Variants in MYO10 observed in about 807,000 individuals in gnomAD.
The protein encoded by MYO10 is myosin X.
Under a neutral mutation model 257.3 loss-of-function variants are expected in MYO10, and 133 were observed. That is an observed-to-expected ratio of 0.52 (90% CI 0.45 to 0.60). The LOEUF (loss-of-function observed/expected upper bound fraction) is 0.60, where lower values mean the gene tolerates loss of function less well. Ranked by LOEUF, MYO10 falls within the 20% of genes least tolerant of loss-of-function variation. MYO10 has a pLI of 0.00. For missense variants in MYO10, 2,399 were observed against 2,635.7 expected, an observed-to-expected ratio of 0.91 and a Z score of 1.97; for synonymous variants, 1,104 against 1,028.6, an observed-to-expected ratio of 1.07 and a Z score of -1.40.
chr5:16,734,108 C>CAA (rs111997085), intron 19 of MYO10, among the ~76,000 whole-genome samples: 21,560 of 140,586 alleles, frequency 0.15, 1,943 homozygotes, highest in East Asian at 0.25. Context: ...AAAAGGGATG[C>CAA]AAAAAAAAAA....
intron 1 of MYO10, among the ~76,000 whole-genome samples, chr5:16,893,006 T>G (rs1257442139): frequency 6.6e-6 from 1 of 151,722 alleles, no homozygotes. Context: ...CCATCCTGGC[T>G]AACACGGTGA....
chr5:16,784,969 T>G (rs1438346323), intron 4 of MYO10, among the ~76,000 whole-genome samples: 2 of 149,648 alleles, frequency 1.3e-5, no homozygotes, highest in Non-Finnish European at 3.0e-5. Context: ...AATGTCGTAA[T>G]GTCAAGGGTA....
At chr5:16,876,783 G>A (rs1440962006) in intron 2 of MYO10, among the ~76,000 whole-genome samples, 3 of 152,150 alleles carry the variant, frequency 2.0e-5, no homozygotes, top group African/African-American at 4.8e-5. Context: ...TTGAACTAAG[G>A]ACCTCAAGTG....
At chr5:16,841,290 C>T (rs2560861) in intron 2 of MYO10, among the ~76,000 whole-genome samples, 44,457 of 151,922 alleles carry the variant, frequency 0.29, 6,645 homozygotes, top group African/African-American at 0.36. Flanking sequence ...TCATGGTGTG[C>T]TAGAAGAACT....
intron 2 of MYO10, among the ~76,000 whole-genome samples, chr5:16,863,878 A>G (rs907624121): frequency 6.6e-6 from 1 of 152,186 alleles, no homozygotes; most frequent in African/African-American, 2.4e-5. Flanking sequence ...CAGGAGGATC[A>G]TTGCAGCTCA....
At chr5:16,842,173 G>A (rs542090944) in intron 2 of MYO10, among the ~76,000 whole-genome samples, 1 of 152,082 alleles carries the variant, frequency 6.6e-6, no homozygotes, top group African/African-American at 2.4e-5. Context: ...CAGACCTATC[G>A]CAGTTTAGAT....
At chr5:16,907,348 A>G (rs886627455) in intron 1 of MYO10, among the ~76,000 whole-genome samples, 2 of 152,144 alleles carry the variant, frequency 1.3e-5, no homozygotes, top group African/African-American at 4.8e-5. Flanking sequence ...GAATGAGCCA[A>G]CAAAGGAAAC....
intron 2 of MYO10, among the ~76,000 whole-genome samples, chr5:16,836,174 T>C (rs1743306338): frequency 6.6e-6 from 1 of 152,132 alleles, no homozygotes; most frequent in Admixed American, 6.6e-5. Context: ...AAAGAGTGTC[T>C]GGAGATTCTT....
chr5:16,838,403 T>A (rs566256542), intron 2 of MYO10, among the ~76,000 whole-genome samples: 1 of 152,204 alleles, frequency 6.6e-6, no homozygotes, highest in South Asian at 2.1e-4. Flanking sequence ...GCCACAACAA[T>A]CCCTTCAGCC....
chr5:16,926,187 T>C (rs946436032), intron 1 of MYO10, among the ~76,000 whole-genome samples: 2 of 152,236 alleles, frequency 1.3e-5, no homozygotes, highest in Non-Finnish European at 2.9e-5. Context: ...TTTCAAAGTT[T>C]CCAATTTGGG....
At position 16,934,890 on chromosome 5, in the gene MYO10, GA is replaced by G. The variant is rs1481766091; in HGVS notation, c.21+897del. On this transcript the variant is annotated intron_variant, in intron 1 of 40. Coordinates refer to ENST00000513610, the MANE Select transcript of MYO10 (RefSeq NM_012334.3). ...AGACTCCAAAGCGGTTCTGCACTCAGAAAACATTCCCTGGCTTTCAACGAAA... is the reference window on the plus strand; with the variant it reads ...AGACTCCAAAGCGGTTCTGCACTCAGAAACATTCCCTGGCTTTCAACGAAA... Among the ~76,000 whole-genome samples, 12 of 152,326 alleles carry G rather than the reference GA, an allele frequency of 7.9e-5. No individual in the cohort carries two copies. In the East Asian group the frequency reaches 9.6e-4, roughly 12 times the overall value.
chr5:16,845,102 T>C (rs376428500), intron 2 of MYO10, among the ~76,000 whole-genome samples: 1 of 152,096 alleles, frequency 6.6e-6, no homozygotes, highest in East Asian at 1.9e-4. Flanking sequence ...ATGAGAACAA[T>C]TTAAAAGTGC....
chr5:16,680,154 G>A (rs2126492764), intron 32 of MYO10, 50 bp from the exon 33 acceptor site: 1 of 1,578,776 alleles, frequency 6.3e-7, no homozygotes, highest in East Asian at 2.3e-5. Flanking sequence ...CAACCTCGGG[G>A]ACTGAGGCAA....
In MYO10 at chr5:16,791,066, C is replaced by G. The variant is rs183994966; in HGVS notation, c.467+3580G>C. On this transcript the variant is annotated intron_variant, in intron 4 of 40. Coordinates refer to ENST00000513610, the MANE Select transcript of MYO10 (RefSeq NM_012334.3). ...AGGCTTGGACTAGAAGCCCAGGGACCTGGCATTGCCACCAAGTAGCAGAGG... is the reference window on the plus strand; with the variant it reads ...AGGCTTGGACTAGAAGCCCAGGGACGTGGCATTGCCACCAAGTAGCAGAGG... Among the ~76,000 whole-genome samples the G allele has an allele frequency of 4.2e-3, 645 of 152,260 alleles. 5 individuals carry two copies. The highest frequency in any genetic ancestry group is 6.9e-3 in the Non-Finnish European group (470 of 68,022).
At chr5:16,856,542 T>G (rs1743964638) in intron 2 of MYO10, among the ~76,000 whole-genome samples, 1 of 150,998 alleles carries the variant, frequency 6.6e-6, no homozygotes, top group Non-Finnish European at 1.5e-5. Flanking sequence ...AGAGTGAGAC[T>G]GTGTCTCAAA....
At chr5:16,861,174 G>A (rs560670233) in intron 2 of MYO10, among the ~76,000 whole-genome samples, 24 of 151,756 alleles carry the variant, frequency 1.6e-4, no homozygotes, top group Admixed American at 7.2e-4. Context: ...AGGGCGCAGC[G>A]TGGAAGCTGA....
At chr5:16,831,260 C>T (rs527656966) in intron 2 of MYO10, among the ~76,000 whole-genome samples, 1 of 152,276 alleles carries the variant, frequency 6.6e-6, no homozygotes, top group African/African-American at 2.4e-5. Flanking sequence ...AACACTTCTA[C>T]ACTGCTGGTG....
intron 3 of MYO10, among the ~76,000 whole-genome samples, chr5:16,810,838 A>C (rs1375486198): frequency 6.6e-6 from 1 of 152,150 alleles, no homozygotes. Flanking sequence ...TGAGAGGCCA[A>C]GGCGGGTGGA....
At chr5:16,893,962 G>A (rs951017102) in intron 1 of MYO10, among the ~76,000 whole-genome samples, 2 of 152,178 alleles carry the variant, frequency 1.3e-5, no homozygotes, top group African/African-American at 4.8e-5. Flanking sequence ...GCAGTGGAGT[G>A]CAGTGGGCTT....
Sources: allele counts gnomAD v4.1 joint callset (sites outside exome capture counted in the v4.1 genomes callset), GRCh38; gene constraint gnomAD v4.1.1; transcripts MANE v1.5; gene names NCBI Gene and HGNC (gene_info 2026-07-23, HGNC 2026-07-21).